The following CPNE4 variants were observed in gnomAD, a reference collection of about 807,000 sequenced individuals.
The protein encoded by CPNE4 is copine-4.
Under a neutral mutation model 67.9 loss-of-function variants are expected in CPNE4, and 25 were observed. That is an observed-to-expected ratio of 0.37 (90% CI 0.27 to 0.51). The LOEUF (loss-of-function observed/expected upper bound fraction) is 0.51. Ranked by LOEUF, CPNE4 falls within the 20% of genes least tolerant of loss-of-function variation. The pLI is 0.93. For synonymous variants in CPNE4, 242 were observed against 244.9 expected (o/e 0.99, Z 0.11); for missense variants, 464 against 690.8 (o/e 0.67, Z 3.68).
intron 1 of CPNE4, among the ~76,000 whole-genome samples, chr3:131,913,386 G>A (rs1436899276): frequency 1.3e-5 from 2 of 152,170 alleles, no homozygotes; most frequent in Admixed American, 1.3e-4. Context: ...CCACTGGTAA[G>A]GAAAGAATGC....
intron 7 of CPNE4, among the ~76,000 whole-genome samples, chr3:131,662,201 G>A (rs1034788650): frequency 2.6e-5 from 4 of 152,168 alleles, no homozygotes; most frequent in Admixed American, 1.3e-4. Flanking sequence ...AAAGGGGGAA[G>A]TTCCGAGGCA....
chr3:131,898,939 T>A (rs1029130958), intron 2 of CPNE4, among the ~76,000 whole-genome samples: 1 of 152,132 alleles, frequency 6.6e-6, no homozygotes, highest in African/African-American at 2.4e-5. Context: ...AAAATCACAG[T>A]GCAAACTTTG....
chr3:131,789,515 C>T (rs1319948407), intron 2 of CPNE4, among the ~76,000 whole-genome samples: 2 of 152,076 alleles, frequency 1.3e-5, no homozygotes, highest in African/African-American at 4.8e-5. Flanking sequence ...ACTTGATGTC[C>T]CTCTATTTAA....
At chr3:132,037,641 T>C (rs2074362599), upstream of CPNE4, 1 of 1,529,150 alleles carries the variant, frequency 6.5e-7, no homozygotes, top group Non-Finnish European at 8.8e-7. Flanking sequence ...AGCCACAAAG[T>C]CACTGTGGCC....
intron 1 of CPNE4, among the ~76,000 whole-genome samples, chr3:131,912,956 C>T (rs1346188571): frequency 6.6e-6 from 1 of 152,074 alleles, no homozygotes; most frequent in African/African-American, 2.4e-5. Context: ...TAAAACAAGG[C>T]AAACTTCCCC....
intron 2 of CPNE4, among the ~76,000 whole-genome samples, chr3:131,769,070 G>A (rs1248335290): frequency 1.3e-5 from 2 of 152,132 alleles, no homozygotes; most frequent in Non-Finnish European, 2.9e-5. Context: ...CATTCGTGCT[G>A]TCAGAAAAAC....
chr3:131,937,245 G>A (rs2071250652), intron 1 of CPNE4, among the ~76,000 whole-genome samples: 1 of 152,156 alleles, frequency 6.6e-6, no homozygotes, highest in African/African-American at 2.4e-5. Flanking sequence ...ACATGTCTTA[G>A]TAAAGTTTAT....
chr3:131,666,968 C>G (rs146535629), intron 7 of CPNE4, among the ~76,000 whole-genome samples: 74 of 152,242 alleles, frequency 4.9e-4, no homozygotes, highest in African/African-American at 1.7e-3. Context: ...TATTTGGTGG[C>G]ATTAAGGAAG....
At chr3:131,823,310 C>T (rs755778895) in intron 2 of CPNE4, among the ~76,000 whole-genome samples, 35 of 152,142 alleles carry the variant, frequency 2.3e-4, no homozygotes, top group Non-Finnish European at 4.3e-4. Context: ...CAATTTTCAC[C>T]GAATGAATGT....
intron 1 of CPNE4, among the ~76,000 whole-genome samples, chr3:131,946,695 TCTCTTTTCACTTTCTTGGTAAA>T (rs2071562021): frequency 6.6e-6 from 1 of 152,190 alleles, no homozygotes; most frequent in African/African-American, 2.4e-5. Context: ...TTCTGTAAAG[TCTCTTTTCACTTTCTTGGTAAA>T]GTTTTTAAAT....
chr3:131,789,035 C>CACACACACACAG (rs1553771459), intron 2 of CPNE4, among the ~76,000 whole-genome samples: 4 of 137,404 alleles, frequency 2.9e-5, no homozygotes, highest in Admixed American at 7.3e-5. Context: ...CACACACACA[C>CACACACACACAG]AGAGAGAGAG....
At chr3:131,751,261 C>T (rs1018253962) in intron 2 of CPNE4, among the ~76,000 whole-genome samples, 2 of 152,020 alleles carry the variant, frequency 1.3e-5, no homozygotes, top group African/African-American at 4.8e-5. Flanking sequence ...TTATCCCTTC[C>T]TTCTTGGACT....
At chr3:131,907,208 G>C (rs144781784) in intron 1 of CPNE4, among the ~76,000 whole-genome samples, 1 of 152,106 alleles carries the variant, frequency 6.6e-6, no homozygotes, top group Admixed American at 6.6e-5. Flanking sequence ...ACGACTGAAC[G>C]TATAAGATTC....
chr3:131,826,562 G>GT (rs1234111118), intron 2 of CPNE4, among the ~76,000 whole-genome samples: 1 of 151,956 alleles, frequency 6.6e-6, no homozygotes, highest in Non-Finnish European at 1.5e-5. Flanking sequence ...AGCCCAAGTT[G>GT]TTTTTTTGTT....
At chr3:131,711,840 A>G (rs2081565839) in intron 3 of CPNE4, among the ~76,000 whole-genome samples, 1 of 152,220 alleles carries the variant, frequency 6.6e-6, no homozygotes, top group Non-Finnish European at 1.5e-5. Flanking sequence ...CCTCATTTTC[A>G]GTTCCAGAGA....
chr3:131,759,938 A>C (rs1583154863), intron 2 of CPNE4, among the ~76,000 whole-genome samples: 1 of 152,286 alleles, frequency 6.6e-6, no homozygotes. Context: ...AATATTACAA[A>C]GTTATCTGGC....
At chr3:131,808,982 A>G (rs1277915325) in intron 2 of CPNE4, among the ~76,000 whole-genome samples, 1 of 152,166 alleles carries the variant, frequency 6.6e-6, no homozygotes, top group Non-Finnish European at 1.5e-5. Context: ...GGTTTTTCTA[A>G]TGATACAGAA....
At chr3:131,765,351 A>G (rs1008774355) in intron 2 of CPNE4, among the ~76,000 whole-genome samples, 1 of 152,160 alleles carries the variant, frequency 6.6e-6, no homozygotes, top group African/African-American at 2.4e-5. Flanking sequence ...CTATATTTGT[A>G]TTTGGAAGAT....
At chr3:132,009,233 T>G (rs2073687207) in intron 1 of CPNE4, among the ~76,000 whole-genome samples, 1 of 152,146 alleles carries the variant, frequency 6.6e-6, no homozygotes, top group Admixed American at 6.5e-5. Flanking sequence ...ATGCAATAGC[T>G]TCAAGGCACT....
Sources: allele counts gnomAD v4.1 joint callset (sites outside exome capture counted in the v4.1 genomes callset), GRCh38; gene constraint gnomAD v4.1.1; transcripts MANE v1.5; gene names NCBI Gene and HGNC (gene_info 2026-07-23, HGNC 2026-07-21).